The following RABGAP1L variants were observed in gnomAD, a reference collection of about 807,000 sequenced individuals.
RABGAP1L encodes RAB GTPase activating protein 1 like.
In RABGAP1L, 63 loss-of-function variants were observed where a neutral mutation model predicts 137.7. That is an observed-to-expected ratio of 0.46 (90% confidence interval 0.37 to 0.56). The LOEUF is 0.56. RABGAP1L is among the 20% of genes least tolerant of loss of function. The pLI, the probability that RABGAP1L is intolerant of heterozygous loss-of-function variation, is 0.00. For synonymous variants in RABGAP1L, 431 were observed against 433.7 expected, an observed-to-expected ratio of 0.99 and a Z score of 0.08; for missense variants, 1,095 against 1,244.0, an observed-to-expected ratio of 0.88 and a Z score of 1.80.
chr1:174,872,563 ATT>A (rs11321142), intron 19 of RABGAP1L, among the ~76,000 whole-genome samples: 51 of 143,972 alleles, frequency 3.5e-4, no homozygotes, highest in Admixed American at 4.9e-4. Context: ...TTATAGTTCT[ATT>A]TTTTTTTTTT....
At chr1:174,952,153 T>C (rs1237375594) in intron 19 of RABGAP1L, among the ~76,000 whole-genome samples, 1 of 151,920 alleles carries the variant, frequency 6.6e-6, no homozygotes, top group Non-Finnish European at 1.5e-5. Context: ...CTCCTAAATA[T>C]ACAAAGCCCT....
At chr1:174,577,899 A>ATGT in intron 13 of RABGAP1L, among the ~76,000 whole-genome samples, 2 of 152,102 alleles carry the variant, frequency 1.3e-5, no homozygotes, top group Non-Finnish European at 2.9e-5. Context: ...GAAATTAACC[A>ATGT]CCCCTCTAGG....
intron 13 of RABGAP1L, among the ~76,000 whole-genome samples, chr1:174,438,752 A>G (rs961015493): frequency 1.4e-4 from 17 of 121,088 alleles, no homozygotes; most frequent in African/African-American, 2.4e-4. Flanking sequence ...GTGTATATAT[A>G]TATATATATA....
At chr1:174,431,977 T>A (rs988156178) in intron 13 of RABGAP1L, among the ~76,000 whole-genome samples, 3 of 152,198 alleles carry the variant, frequency 2.0e-5, no homozygotes, top group Non-Finnish European at 4.4e-5. Flanking sequence ...TCAACTTTTA[T>A]TTAAGATTCA....
chr1:174,539,444 C>G (rs1196348014), intron 13 of RABGAP1L, among the ~76,000 whole-genome samples: 1 of 152,110 alleles, frequency 6.6e-6, no homozygotes, highest in Non-Finnish European at 1.5e-5. Context: ...CCTTCCCTGT[C>G]CCCACACCCC....
chr1:174,597,026 T>G (rs1214185090), intron 13 of RABGAP1L, among the ~76,000 whole-genome samples: 1 of 152,210 alleles, frequency 6.6e-6, no homozygotes, highest in Non-Finnish European at 1.5e-5. Context: ...ATTGATTGAT[T>G]TGCATATGTT....
intron 14 of RABGAP1L, among the ~76,000 whole-genome samples, chr1:174,653,592 G>A (rs1001382180): frequency 2.0e-5 from 3 of 152,060 alleles, no homozygotes; most frequent in South Asian, 2.1e-4. Context: ...GGTTGCCCCC[G>A]TACCCACTGT....
chr1:174,513,662 C>G (rs992089751), intron 13 of RABGAP1L, among the ~76,000 whole-genome samples: 4 of 152,014 alleles, frequency 2.6e-5, no homozygotes, highest in Non-Finnish European at 5.9e-5. Flanking sequence ...TGTCATTTGC[C>G]ACTTTTCTAG....
intron 13 of RABGAP1L, among the ~76,000 whole-genome samples, chr1:174,516,928 A>AAAATAAATAAATAAAT (rs147145926): frequency 1.2e-3 from 168 of 141,134 alleles, no homozygotes; most frequent in African/African-American, 1.7e-3. Flanking sequence ...CTCTGTCTCA[A>AAAATAAATAAATAAAT]AAATAAATAA....
intron 19 of RABGAP1L, 46 bp from the exon 20 acceptor site, chr1:174,957,411 A>T (rs772956663): frequency 2.0e-6 from 3 of 1,488,802 alleles, no homozygotes; most frequent in Non-Finnish European, 2.8e-6. Flanking sequence ...ATTTTTTTTC[A>T]TAAATGGTGT....
intron 13 of RABGAP1L, among the ~76,000 whole-genome samples, chr1:174,615,113 G>C (rs576257016): frequency 2.6e-5 from 4 of 152,322 alleles, no homozygotes; most frequent in African/African-American, 9.6e-5. Context: ...TTGTTTCGTT[G>C]CTGGTGAGGA....
At chr1:174,318,772 G>T (rs1571195147) in intron 11 of RABGAP1L, among the ~76,000 whole-genome samples, 1 of 149,440 alleles carries the variant, frequency 6.7e-6, no homozygotes, top group African/African-American at 2.5e-5. Flanking sequence ...TTTGCATTGT[G>T]ATTACCATGA....
At chr1:174,790,917 G>A (rs778532783) in intron 18 of RABGAP1L, among the ~76,000 whole-genome samples, 14 of 151,936 alleles carry the variant, frequency 9.2e-5, no homozygotes, top group Non-Finnish European at 1.5e-4. Context: ...GAGGCTGAGC[G>A]TGGTGGCTTA....
chr1:174,295,550 T>A (rs933567368), intron 10 of RABGAP1L, among the ~76,000 whole-genome samples: 2 of 151,760 alleles, frequency 1.3e-5, no homozygotes, highest in African/African-American at 4.8e-5. Context: ...GCCTGGCTAA[T>A]TTTTTTTGTA....
chr1:174,752,169 T>TAA, intron 17 of RABGAP1L, 144 bp from the exon 18 acceptor site: 4 of 615,010 alleles, frequency 6.5e-6, no homozygotes, highest in Non-Finnish European at 8.2e-6. Flanking sequence ...AAAATACCTT[T>TAA]AAAAAAAAAC....
intron 8 of RABGAP1L, 46 bp from the exon 9 acceptor site, chr1:174,275,786 AT>A (rs769257204): frequency 7.1e-6 from 10 of 1,403,954 alleles, no homozygotes; most frequent in South Asian, 2.6e-5. Context: ...TAAAGTAGTG[AT>A]TTTTTTGATG....
At chr1:174,972,730 C>T (rs181704016) in intron 21 of RABGAP1L, among the ~76,000 whole-genome samples, 2 of 151,394 alleles carry the variant, frequency 1.3e-5, no homozygotes, top group Non-Finnish European at 2.9e-5. Flanking sequence ...GGCATGCGCC[C>T]GTAATCCCAG....
At chr1:174,474,590 A>G (rs1658287482) in intron 13 of RABGAP1L, among the ~76,000 whole-genome samples, 1 of 151,920 alleles carries the variant, frequency 6.6e-6, no homozygotes, top group South Asian at 2.1e-4. Flanking sequence ...TCTGATGATG[A>G]TGATGATTAT....
intron 7 of RABGAP1L, among the ~76,000 whole-genome samples, chr1:174,272,024 C>T (rs917147564): frequency 1.3e-5 from 2 of 151,698 alleles, no homozygotes; most frequent in Non-Finnish European, 2.9e-5. Context: ...TTTTAAAAAC[C>T]TCGTTTTTGG....
Sources: allele counts gnomAD v4.1 joint callset (sites outside exome capture counted in the v4.1 genomes callset), GRCh38; gene constraint gnomAD v4.1.1; transcripts MANE v1.5; gene names NCBI Gene and HGNC (gene_info 2026-07-23, HGNC 2026-07-21).